Variants in ROR2 observed in about 807,000 individuals in gnomAD.
The protein encoded by ROR2 is ROR family WNT receptor 2, also known as tyrosine-protein kinase transmembrane receptor ROR2.
A neutral mutation model predicts 74.9 loss-of-function variants in ROR2; 33 were observed. That is an observed-to-expected ratio of 0.44 (90% CI 0.33 to 0.59). The LOEUF (loss-of-function observed/expected upper bound fraction) is 0.59. ROR2 is among the 20% of genes least tolerant of loss of function. ROR2 has a pLI of 0.02. For synonymous variants in ROR2, 586 were observed against 558.7 expected (o/e 1.05, Z -0.69); for missense variants, 1,216 against 1,313.8 (o/e 0.93, Z 1.15).
At chr9:91,939,774 C>T (rs1030574321) in intron 1 of ROR2, among the ~76,000 whole-genome samples, 1 of 152,176 alleles carries the variant, frequency 6.6e-6, no homozygotes, top group Non-Finnish European at 1.5e-5. Context: ...CGCATTAATA[C>T]TGCATTTGTT....
intron 1 of ROR2, among the ~76,000 whole-genome samples, chr9:91,782,709 G>T (rs939612839): frequency 5.3e-5 from 8 of 152,092 alleles, no homozygotes; most frequent in African/African-American, 1.9e-4. Context: ...GTTAAGGCCA[G>T]GTCTGGAGCA....
rs117134265 is a variant in ROR2 at position 91,724,819 on chromosome 9, C to G, written c.1675G>C (p.Gly559Arg). The G allele has an allele frequency of 1.9e-6, 3 of 1,607,210 alleles. No homozygotes were observed. Among genetic ancestry groups the G allele is most frequent in the Non-Finnish European group, 1.7e-6 (2 of 1,175,238 alleles). Reference protein sequence around the residue: ...LSMIFSYCSHGDLHEFLVMRS... With the variant: ...LSMIFSYCSHRDLHEFLVMRS... ...ATGACCAGGAATTCGTGGAGGTCGC[C>G]GTGCGAACAGTAGCTGAAGATCATG... The change falls in exon 9 of 9, where the codon GGC (glycine) becomes CGC (arginine). Residue 559 changes from glycine to arginine, a missense_variant. Coordinates refer to ENST00000375708, the MANE Select transcript of ROR2 (RefSeq NM_004560.4).
intron 5 of ROR2, among the ~76,000 whole-genome samples, chr9:91,736,226 C>G (rs1477333673): frequency 6.6e-6 from 1 of 152,190 alleles, no homozygotes; most frequent in African/African-American, 2.4e-5. Context: ...TCAGTTTGCA[C>G]AGGACCCCCT....
intron 1 of ROR2, chr9:91,883,461 C>T (rs987332268): frequency 2.2e-4 from 34 of 152,184 alleles, no homozygotes; most frequent in African/African-American, 6.0e-4. Context: ...ATAGTAGCCA[C>T]TAGCCACATG....
intron 1 of ROR2, among the ~76,000 whole-genome samples, chr9:91,916,407 G>A (rs556136808): frequency 6.6e-6 from 1 of 152,044 alleles, no homozygotes; most frequent in Admixed American, 6.6e-5. Flanking sequence ...CCCACCTGTC[G>A]CAGCCAGGCC....
chr9:91,814,368 A>G (rs1354524249), intron 1 of ROR2, among the ~76,000 whole-genome samples: 3 of 152,144 alleles, frequency 2.0e-5, no homozygotes, highest in African/African-American at 7.2e-5. Context: ...GTCAGAGGCC[A>G]CGCACTCTAG....
At chr9:91,878,801 G>A (rs1307239318) in intron 1 of ROR2, among the ~76,000 whole-genome samples, 2 of 152,190 alleles carry the variant, frequency 1.3e-5, no homozygotes, top group Non-Finnish European at 2.9e-5. Flanking sequence ...ACGGGGGCCG[G>A]GCGCAGTGGC....
chr9:91,897,122 T>C (rs377414211), intron 1 of ROR2, among the ~76,000 whole-genome samples: 88 of 152,230 alleles, frequency 5.8e-4, no homozygotes, highest in African/African-American at 2.1e-3. Flanking sequence ...GGGTGGGTTG[T>C]GGAGCCCCAC....
At chr9:91,886,767 T>G (rs2119384811) in intron 1 of ROR2, 1 of 152,330 alleles carries the variant, frequency 6.6e-6, no homozygotes, top group African/African-American at 2.4e-5. Context: ...CAGGGGTGCT[T>G]TGCCTGCAGC....
chr9:91,854,482 C>A (rs1031500827), intron 1 of ROR2, among the ~76,000 whole-genome samples: 6 of 152,210 alleles, frequency 3.9e-5, no homozygotes, highest in African/African-American at 1.4e-4. Context: ...ACTCCATTTG[C>A]AGAGTTGTCA....
At chr9:91,879,073 T>TA (rs550384406) in intron 1 of ROR2, among the ~76,000 whole-genome samples, 146 of 129,850 alleles carry the variant, frequency 1.1e-3, no homozygotes, top group East Asian at 8.6e-3. Context: ...AAACAAACAA[T>TA]AAAAAAAAAA....
At chr9:91,765,876 G>A (rs1310979806) in intron 2 of ROR2, among the ~76,000 whole-genome samples, 1 of 151,864 alleles carries the variant, frequency 6.6e-6, no homozygotes, top group East Asian at 1.9e-4. Flanking sequence ...CTTATATCAG[G>A]GTGCAAAAAA....
chr9:91,865,265 G>A (rs928003331), intron 1 of ROR2, among the ~76,000 whole-genome samples: 4 of 152,152 alleles, frequency 2.6e-5, no homozygotes, highest in Non-Finnish European at 4.4e-5. Context: ...TCCAGCCAGC[G>A]CTCTTCACTC....
intron 1 of ROR2, among the ~76,000 whole-genome samples, chr9:91,943,214 C>A (rs1831925205): frequency 6.6e-6 from 1 of 152,036 alleles, no homozygotes; most frequent in South Asian, 2.1e-4. Flanking sequence ...TTCCCTGTCC[C>A]CATCCCATAT....
chr9:91,910,139 C>T (rs7857164), intron 1 of ROR2, among the ~76,000 whole-genome samples: 10,781 of 152,112 alleles, frequency 0.071, 576 homozygotes, highest in African/African-American at 0.14. Flanking sequence ...GGATTACAGG[C>T]GTGAGCAACC....
intron 5 of ROR2, among the ~76,000 whole-genome samples, chr9:91,736,199 G>T (rs1825019757): frequency 6.6e-6 from 1 of 152,144 alleles, no homozygotes. Context: ...GTTCCTCTCT[G>T]TCTCATGATG....
chr9:91,758,953 T>A (rs1215431345), intron 2 of ROR2, among the ~76,000 whole-genome samples: 1 of 152,228 alleles, frequency 6.6e-6, no homozygotes, highest in African/African-American at 2.4e-5. Flanking sequence ...AGAAAGTTAA[T>A]CATCAACATG....
chr9:91,817,274 C>G (rs1384633519), intron 1 of ROR2, among the ~76,000 whole-genome samples: 1 of 152,226 alleles, frequency 6.6e-6, no homozygotes, highest in African/African-American at 2.4e-5. Flanking sequence ...TGTCCCCACC[C>G]TGAGTTCATG....
chr9:91,747,247 C>T, intron 4 of ROR2, among the ~76,000 whole-genome samples: 1 of 152,238 alleles, frequency 6.6e-6, no homozygotes, highest in Non-Finnish European at 1.5e-5. Flanking sequence ...ACACCCTCCT[C>T]ACCCCCAATT....
Sources: allele counts gnomAD v4.1 joint callset (sites outside exome capture counted in the v4.1 genomes callset), GRCh38; gene constraint gnomAD v4.1.1; transcripts MANE v1.5; gene names NCBI Gene and HGNC (gene_info 2026-07-23, HGNC 2026-07-21).